Variants in KCNK2 observed in about 807,000 individuals in gnomAD.
The protein encoded by KCNK2 is potassium two pore domain channel subfamily K member 2.
In KCNK2, 21 loss-of-function variants were observed where a neutral mutation model predicts 40.5. That is an observed-to-expected ratio of 0.52 (90% CI 0.37 to 0.75). The LOEUF (loss-of-function observed/expected upper bound fraction) is 0.75. KCNK2 is among the 30% of genes least tolerant of loss of function. The pLI, the probability that KCNK2 is intolerant of heterozygous loss-of-function variation, is 0.00. For missense variants in KCNK2, 399 were observed against 531.6 expected (o/e 0.75, Z 2.45); for synonymous variants, 191 against 202.2 (o/e 0.94, Z 0.47).
At chr1:215,074,091 C>G (rs1305708684) in intron 1 of KCNK2, among the ~76,000 whole-genome samples, 3 of 152,130 alleles carry the variant, frequency 2.0e-5, no homozygotes, top group African/African-American at 7.2e-5. Context: ...GCAGTCTTGC[C>G]TTGATCACTT....
chr1:215,092,887 T>C lies in KCNK2; in HGVS notation c.357+6209T>C, dbSNP rs967672440. On this transcript the variant is annotated intron_variant, in intron 2 of 6. Transcript: ENST00000444842. ...TGATACTCTTGGTTATCGTGTCTCA[T>C]GCCTTTACCAAGGGACAGTGCTGTA... is the stretch of plus-strand genomic sequence containing the variant. Among the ~76,000 whole-genome samples the C allele has an allele frequency of 4.6e-5, 7 of 152,156 alleles. No homozygotes were observed. The South Asian group carries it at 6.2e-4, about 14-fold the overall frequency.
intron 3 of KCNK2, among the ~76,000 whole-genome samples, chr1:215,159,261 G>A (rs1331931610): frequency 6.6e-6 from 1 of 152,122 alleles, no homozygotes; most frequent in Non-Finnish European, 1.5e-5. Context: ...GTGTCAAGGT[G>A]CCAGTCATGG....
At chr1:215,048,841 T>C (rs147005195) in intron 1 of KCNK2, among the ~76,000 whole-genome samples, 18 of 152,314 alleles carry the variant, frequency 1.2e-4, no homozygotes, top group East Asian at 7.7e-4. Context: ...CAATAGCTTA[T>C]ACTTTGTTTT....
chr1:215,226,435 C>G (rs1379574315), intron 6 of KCNK2, among the ~76,000 whole-genome samples: 1 of 152,188 alleles, frequency 6.6e-6, no homozygotes, highest in Non-Finnish European at 1.5e-5. Context: ...AAGCGATTCT[C>G]TTGCCTCAGC....
intron 3 of KCNK2, among the ~76,000 whole-genome samples, chr1:215,138,151 A>G (rs1438213106): frequency 1.3e-5 from 2 of 152,088 alleles, no homozygotes; most frequent in Non-Finnish European, 2.9e-5. Flanking sequence ...TCAAAAACTG[A>G]GTATATAGGG....
At chr1:215,131,550 T>C (rs1456884931) in intron 3 of KCNK2, among the ~76,000 whole-genome samples, 1 of 147,986 alleles carries the variant, frequency 6.8e-6, no homozygotes, top group African/African-American at 2.5e-5. Flanking sequence ...TATATGTTAA[T>C]ATAATTTAAT....
intron 1 of KCNK2, among the ~76,000 whole-genome samples, chr1:215,007,029 A>ATATATCTGTGTGTGTG (rs1553254668): frequency 1.5e-5 from 1 of 68,436 alleles, no homozygotes; most frequent in Non-Finnish European, 3.1e-5. Context: ...ATATATATAT[A>ATATATCTGTGTGTGTG]TATATATATG....
At chr1:215,164,270 C>T (rs1663340808) in intron 3 of KCNK2, among the ~76,000 whole-genome samples, 1 of 152,102 alleles carries the variant, frequency 6.6e-6, no homozygotes, top group African/African-American at 2.4e-5. Context: ...GTGATATCCC[C>T]TTTATCATTT....
intron 1 of KCNK2, among the ~76,000 whole-genome samples, chr1:215,020,734 A>G (rs1251917875): frequency 2.0e-5 from 3 of 152,178 alleles, no homozygotes; most frequent in Non-Finnish European, 2.9e-5. Flanking sequence ...AAACCACAGT[A>G]CCTTTAGATC....
intron 6 of KCNK2, among the ~76,000 whole-genome samples, chr1:215,220,191 G>T (rs1179419008): frequency 6.6e-6 from 1 of 151,952 alleles, no homozygotes; most frequent in Non-Finnish European, 1.5e-5. Flanking sequence ...ATTCATACTG[G>T]TATCTCTAGT....
intron 6 of KCNK2, among the ~76,000 whole-genome samples, chr1:215,209,411 A>G (rs1201279391): frequency 1.6e-4 from 9 of 57,512 alleles, no homozygotes; most frequent in African/African-American, 6.1e-4. Context: ...AAATATGCAT[A>G]TATTATATAT....
At chr1:215,125,004 T>C (rs1016983225) in intron 3 of KCNK2, among the ~76,000 whole-genome samples, 1 of 152,236 alleles carries the variant, frequency 6.6e-6, no homozygotes, top group Non-Finnish European at 1.5e-5. Context: ...ATTTGACTAA[T>C]GGTAGTAATG....
chr1:215,042,242 T>A (rs886278569), intron 1 of KCNK2, among the ~76,000 whole-genome samples: 1 of 152,136 alleles, frequency 6.6e-6, no homozygotes, highest in African/African-American at 2.4e-5. Flanking sequence ...GCACATGTAC[T>A]GAGCAAATAA....
intron 2 of KCNK2, among the ~76,000 whole-genome samples, chr1:215,100,802 T>C (rs1660175116): frequency 6.6e-6 from 1 of 152,028 alleles, no homozygotes; most frequent in Non-Finnish European, 1.5e-5. Context: ...TGTTACTAAG[T>C]AAAATTTTGT....
intron 3 of KCNK2, among the ~76,000 whole-genome samples, chr1:215,133,624 T>A (rs962938192): frequency 2.0e-5 from 3 of 151,608 alleles, no homozygotes; most frequent in African/African-American, 7.3e-5. Context: ...CCTAATTCTT[T>A]TTTTTTTTTT....
At chr1:215,048,289 G>T (rs1657855107) in intron 1 of KCNK2, among the ~76,000 whole-genome samples, 1 of 152,114 alleles carries the variant, frequency 6.6e-6, no homozygotes, top group Admixed American at 6.6e-5. Context: ...CTTAACCATA[G>T]AATTGAAGAA....
chr1:215,151,890 C>T (rs1662699398), intron 3 of KCNK2, among the ~76,000 whole-genome samples: 1 of 152,082 alleles, frequency 6.6e-6, no homozygotes, highest in Admixed American at 6.6e-5. Flanking sequence ...ACGTCTACAT[C>T]TTTTTAACTC....
At chr1:215,102,437 T>A (rs1660261503) in intron 2 of KCNK2, among the ~76,000 whole-genome samples, 2 of 152,194 alleles carry the variant, frequency 1.3e-5, no homozygotes, top group South Asian at 4.1e-4. Context: ...TGTTTTAACC[T>A]AAGTTATTAC....
intron 6 of KCNK2, among the ~76,000 whole-genome samples, chr1:215,201,732 C>T (rs1489410769): frequency 2.6e-5 from 4 of 152,068 alleles, no homozygotes; most frequent in Non-Finnish European, 5.9e-5. Flanking sequence ...GTGGTGTGTT[C>T]GCTTACTGAT....
Sources: gnomAD v4.1 joint callset for allele counts (sites outside exome capture counted in the v4.1 genomes callset) on GRCh38, gnomAD v4.1.1 for gene constraint, MANE v1.5 for transcripts, NCBI Gene and HGNC (gene_info 2026-07-23, HGNC 2026-07-21) for gene names.